The following PCDHA4 variants were observed in gnomAD, a reference collection of about 807,000 sequenced individuals.
PCDHA4 encodes protocadherin alpha-4.
A neutral mutation model predicts 61.4 loss-of-function variants in PCDHA4; 49 were observed. The ratio of observed to expected loss-of-function variants is 0.80; its 90% CI spans 0.63 to 1.01. The LOEUF is 1.01. Among genes scored for constraint, PCDHA4 ranks in the 50% least tolerant of loss-of-function variants. The probability of loss-of-function intolerance (pLI) is 0.00; values close to 1 mark genes in which losing one functional copy is unlikely to be tolerated. For synonymous variants in PCDHA4, 590 were observed against 550.3 expected, an observed-to-expected ratio of 1.07 and a Z score of -1.01; for missense variants, 1,254 against 1,235.8, an observed-to-expected ratio of 1.01 and a Z score of -0.22.
At chr5:140,881,623 A>G (rs1179461885) in intron 1 of PCDHA4, among the ~76,000 whole-genome samples, 1 of 152,188 alleles carries the variant, frequency 6.6e-6, no homozygotes, top group East Asian at 1.9e-4. Flanking sequence ...TCAAAATCTG[A>G]TATATCAGTT....
At chr5:140,848,502 T>C (rs2150411498) in intron 1 of PCDHA4, 1 of 1,586,510 alleles carries the variant, frequency 6.3e-7, no homozygotes, top group Non-Finnish European at 8.6e-7. Context: ...TGAAATGTTA[T>C]ACTCAAGTCG....
At chr5:140,870,605 G>A (rs1445292626) in intron 1 of PCDHA4, 2 of 1,613,248 alleles carry the variant, frequency 1.2e-6, no homozygotes, top group Non-Finnish European at 1.7e-6. Flanking sequence ...TTGGGCGACC[G>A]CGCGCTGTCG....
intron 1 of PCDHA4, among the ~76,000 whole-genome samples, chr5:140,880,869 G>A (rs1017640769): frequency 2.0e-5 from 3 of 152,064 alleles, no homozygotes; most frequent in Non-Finnish European, 4.4e-5. Context: ...TATGTGAAGA[G>A]GTAAATAAAG....
intron 1 of PCDHA4, chr5:140,864,038 C>T (rs541763378): frequency 1.2e-4 from 19 of 153,004 alleles, no homozygotes; most frequent in African/African-American, 4.6e-4. Context: ...CCATCTTAAT[C>T]ACTTTTTACT....
chr5:140,883,791 T>C, intron 1 of PCDHA4: 3 of 1,612,422 alleles, frequency 1.9e-6, no homozygotes, highest in Middle Eastern at 3.9e-4. Flanking sequence ...TCGAGCTACG[T>C]GTCGGTGCAC....
intron 1 of PCDHA4, chr5:140,883,108 AT>A (rs1261032162): frequency 6.2e-7 from 1 of 1,614,018 alleles, no homozygotes; most frequent in Non-Finnish European, 8.5e-7. Flanking sequence ...TAGTTTACTC[AT>A]TTAGAAGGCC....
At position 140,847,428 on chromosome 5, in the gene PCDHA4, C is replaced by T. The variant is rs1464927725; in HGVS notation, c.2385+37856C>T. ...AAACACTCACGGTTTTGCCTTTAGA[C>T]TTGAGATACACTAAAATCTAGATTT... On this transcript the variant is annotated intron_variant, in intron 1 of 3. Coordinates refer to ENST00000530339, the MANE Select transcript of PCDHA4 (RefSeq NM_018907.4). 2.7e-5 allele frequency: 4 copies of T among 149,590 alleles called. 2 individuals are homozygous for T. Among genetic ancestry groups the T allele is most frequent in the Non-Finnish European group, 6.0e-5 (4 of 66,914 alleles). The allele number at this position is 149,590 out of a possible 1,614,324, so 9.3% of individuals were successfully genotyped here.
At chr5:140,836,951 G>T (rs1344395357) in intron 1 of PCDHA4, 4 of 428,312 alleles carry the variant, frequency 9.3e-6, no homozygotes, top group South Asian at 5.1e-5. Context: ...AAAATCTATG[G>T]TTTATGTTGG....
intron 1 of PCDHA4, chr5:140,834,434 T>A: frequency 6.2e-7 from 1 of 1,610,706 alleles, no homozygotes; most frequent in Non-Finnish European, 8.5e-7. Context: ...TACTGCTGTT[T>A]ATTATAATTC....
chr5:140,850,168 A>C, intron 1 of PCDHA4: 1 of 1,594,824 alleles, frequency 6.3e-7, no homozygotes, highest in Non-Finnish European at 8.6e-7. Flanking sequence ...GTGCTGGACG[A>C]GAACGACAAT....
At chr5:140,967,268 C>T in intron 1 of PCDHA4, 1 of 1,613,522 alleles carries the variant, frequency 6.2e-7, no homozygotes, top group Non-Finnish European at 8.5e-7. Context: ...AGCGCGCTTT[C>T]ACATAGAGAG....
intron 1 of PCDHA4, among the ~76,000 whole-genome samples, chr5:140,955,336 T>G (rs1294171389): frequency 1.3e-5 from 2 of 152,144 alleles, no homozygotes; most frequent in African/African-American, 2.4e-5. Context: ...GTTCCCATAA[T>G]CCCCACATGT....
At chr5:140,906,162 G>A (rs1421474866) in intron 1 of PCDHA4, among the ~76,000 whole-genome samples, 1 of 152,064 alleles carries the variant, frequency 6.6e-6, no homozygotes, top group Non-Finnish European at 1.5e-5. Flanking sequence ...GACACACCCA[G>A]GAACAATACT....
At chr5:140,836,828 T>G in intron 1 of PCDHA4, 1 of 958,012 alleles carries the variant, frequency 1.0e-6, no homozygotes, top group Non-Finnish European at 1.5e-6. Context: ...TCTTTTTTAG[T>G]TGATAGCTTT....
Position 140,845,338 on chromosome 5 carries a change from C to T in PCDHA4, c.2385+35766C>T, listed in dbSNP as rs1446184837. Among the ~76,000 whole-genome samples the T allele has an allele frequency of 1.2e-4, 18 of 149,418 alleles. 2 individuals carry two copies. The highest frequency in any genetic ancestry group is 4.4e-4 in the African/African-American group (18 of 40,812). ...GTATTACTTTAATTACTGAATTCTCCTAAACATTTAATTGACTTTTACAAA... is the reference window on the plus strand; with the variant it reads ...GTATTACTTTAATTACTGAATTCTCTTAAACATTTAATTGACTTTTACAAA... On this transcript the variant is annotated intron_variant, in intron 1 of 3. Coordinates refer to ENST00000530339, the MANE Select transcript of PCDHA4 (RefSeq NM_018907.4).
intron 3 of PCDHA4, among the ~76,000 whole-genome samples, chr5:141,000,387 CTCTCTCTCTATA>C (rs1217065500): frequency 3.9e-4 from 26 of 66,870 alleles, no homozygotes; most frequent in African/African-American, 1.1e-3. Context: ...CTCTCTCTCT[CTCTCTCTCTATA>C]TATATATATA....
Position 140,843,307 on chromosome 5 carries a change from G to T in PCDHA4, c.2385+33735G>T, listed in dbSNP as rs2150357061. On this transcript the variant is annotated intron_variant, in intron 1 of 3. Coordinates refer to ENST00000530339, the MANE Select transcript of PCDHA4 (RefSeq NM_018907.4). ...ATGGTGAACCTGCGCTGACCGCCAC[G>T]GCCACGGTTCTGGTGTCGCTGGTGG... is the stretch of plus-strand genomic sequence containing the variant. The T allele has an allele frequency of 1.0e-5, 16 of 1,595,858 alleles. 3 individuals are homozygous for T. The highest frequency in any genetic ancestry group is 1.3e-5 in the African/African-American group (1 of 74,426).
chr5:140,823,439 T>C lies in PCDHA4; in HGVS notation c.2385+13867T>C, dbSNP rs2150125835. The C allele has an allele frequency of 6.2e-6, 10 of 1,613,256 alleles. No individual in the cohort carries two copies. Among genetic ancestry groups the C allele is most frequent in the African/African-American group, 1.3e-5 (1 of 74,918 alleles). On this transcript the variant is annotated intron_variant, in intron 1 of 3. Coordinates refer to ENST00000530339, the MANE Select transcript of PCDHA4 (RefSeq NM_018907.4). The stretch of plus-strand genomic sequence containing the variant: ...AACGTGACGCTGCAGGTGTTCGTGC[T>C]GGACGAGAACGACAACGCGCCGGCG...
intron 1 of PCDHA4, among the ~76,000 whole-genome samples, chr5:140,954,634 T>C (rs1366737169): frequency 6.6e-6 from 1 of 152,210 alleles, no homozygotes; most frequent in Admixed American, 6.5e-5. Flanking sequence ...GTTTTTCTTG[T>C]AAATTTGTTT....
Sources: allele counts gnomAD v4.1 joint callset (sites outside exome capture counted in the v4.1 genomes callset), GRCh38; gene constraint gnomAD v4.1.1; transcripts MANE v1.5; gene names NCBI Gene and HGNC (gene_info 2026-07-23, HGNC 2026-07-21).